The following CDK13 variants were observed in gnomAD, a reference collection of about 807,000 sequenced individuals.
The protein encoded by CDK13 is cyclin dependent kinase 13, also known as cyclin-dependent kinase 13.
A neutral mutation model predicts 137.6 loss-of-function variants in CDK13; 40 were observed. The observed-to-expected ratio is 0.29, with a 90% CI of 0.23 to 0.38. CDK13 has a LOEUF of 0.38. Ranked by LOEUF, CDK13 falls within the 10% of genes least tolerant of loss-of-function variation. CDK13 has a pLI of 1.00. For missense variants in CDK13, 1,704 were observed against 1,951.8 expected, an observed-to-expected ratio of 0.87 and a Z score of 2.39; for synonymous variants, 869 against 760.1, an observed-to-expected ratio of 1.14 and a Z score of -2.36.
intron 5 of CDK13, among the ~76,000 whole-genome samples, chr7:40,014,286 C>G (rs904400201): frequency 8.6e-5 from 13 of 151,750 alleles, no homozygotes; most frequent in Admixed American, 7.2e-4. Context: ...TCAGGCTGGT[C>G]TCGAACTCCT....
chr7:39,960,414 C>G (rs1463625516), intron 1 of CDK13, among the ~76,000 whole-genome samples: 1 of 151,808 alleles, frequency 6.6e-6, no homozygotes, highest in Non-Finnish European at 1.5e-5. Flanking sequence ...CGTCACCACG[C>G]TTGGCTAATT....
intron 7 of CDK13, among the ~76,000 whole-genome samples, chr7:40,060,085 A>G (rs1400519787): frequency 1.3e-5 from 2 of 152,204 alleles, no homozygotes; most frequent in African/African-American, 2.4e-5. Flanking sequence ...CATTATAGCA[A>G]TTAATAAAAA....
intron 5 of CDK13, among the ~76,000 whole-genome samples, chr7:40,044,837 T>C (rs1384073185): frequency 6.6e-6 from 1 of 152,062 alleles, no homozygotes; most frequent in East Asian, 1.9e-4. Flanking sequence ...GGGGTTTCAC[T>C]GTGTCAACCA....
chr7:39,963,093 A>T (rs1409474417), intron 1 of CDK13, among the ~76,000 whole-genome samples: 1 of 152,108 alleles, frequency 6.6e-6, no homozygotes, highest in Non-Finnish European at 1.5e-5. Flanking sequence ...CTTAGGATTG[A>T]CTTGGCAGTG....
At chr7:40,073,140 C>T (rs1463062407) in intron 9 of CDK13, 1 of 151,978 alleles carries the variant, frequency 6.6e-6, no homozygotes, top group Non-Finnish European at 1.5e-5. Context: ...ATAAAGTTAC[C>T]CAATATTGTG....
At chr7:39,995,436 C>A (rs998432459) in intron 2 of CDK13, among the ~76,000 whole-genome samples, 1 of 152,136 alleles carries the variant, frequency 6.6e-6, no homozygotes, top group Non-Finnish European at 1.5e-5. Context: ...TCAGGTGATA[C>A]CTTTTCTAGA....
At chr7:40,043,343 T>C (rs1785656793) in intron 5 of CDK13, among the ~76,000 whole-genome samples, 1 of 152,196 alleles carries the variant, frequency 6.6e-6, no homozygotes, top group Admixed American at 6.5e-5. Flanking sequence ...TCAGTCCCTA[T>C]GGTATGACAC....
intron 5 of CDK13, among the ~76,000 whole-genome samples, chr7:40,034,546 A>G (rs537668478): frequency 2.9e-3 from 443 of 152,260 alleles, no homozygotes; most frequent in Non-Finnish European, 5.6e-3. Context: ...GATTTATTCA[A>G]CCTTTGTTTA....
At chr7:40,020,102 C>G (rs914934108) in intron 5 of CDK13, among the ~76,000 whole-genome samples, 4 of 152,124 alleles carry the variant, frequency 2.6e-5, no homozygotes, top group Non-Finnish European at 4.4e-5. Context: ...GGGTCTTGCT[C>G]TGTCACCTAG....
intron 1 of CDK13, among the ~76,000 whole-genome samples, chr7:39,983,412 CG>C (rs1784271467): frequency 6.6e-6 from 1 of 152,166 alleles, no homozygotes; most frequent in Non-Finnish European, 1.5e-5. Flanking sequence ...TGAGCAACTG[CG>C]CCCGGCCCCA....
intron 7 of CDK13, among the ~76,000 whole-genome samples, chr7:40,059,966 C>T (rs1050747690): frequency 6.6e-6 from 1 of 152,092 alleles, no homozygotes; most frequent in Non-Finnish European, 1.5e-5. Flanking sequence ...TTTGGAAAGG[C>T]CATTAATTAG....
At chr7:39,986,023 G>A (rs1331406987) in intron 1 of CDK13, 5 of 152,150 alleles carry the variant, frequency 3.3e-5, no homozygotes, top group Non-Finnish European at 5.9e-5. Flanking sequence ...GAACTCAGAA[G>A]GCATATCTGT....
At chr7:40,030,461 C>G (rs1785353449) in intron 5 of CDK13, among the ~76,000 whole-genome samples, 1 of 106,766 alleles carries the variant, frequency 9.4e-6, no homozygotes, top group Non-Finnish European at 1.7e-5. Context: ...AGATAAGAGT[C>G]TTGGTCTGAC....
At chr7:40,004,050 C>T (rs1784748959) in intron 5 of CDK13, among the ~76,000 whole-genome samples, 1 of 152,158 alleles carries the variant, frequency 6.6e-6, no homozygotes, top group Admixed American at 6.5e-5. Flanking sequence ...TGTTGTGCCT[C>T]CTACCTAGCT....
intron 9 of CDK13, among the ~76,000 whole-genome samples, chr7:40,064,648 TC>T (rs1786236569): frequency 6.6e-6 from 1 of 152,024 alleles, no homozygotes; most frequent in Admixed American, 6.6e-5. Context: ...TTGGCTATAG[TC>T]AGAAGTACCC....
intron 12 of CDK13, 142 bp from the exon 13 acceptor site, chr7:40,092,643 C>T (rs919528775): frequency 1.6e-6 from 1 of 626,260 alleles, no homozygotes; most frequent in African/African-American, 1.8e-5. Flanking sequence ...TTTAACTAGA[C>T]TTGAGGTTCT....
intron 1 of CDK13, among the ~76,000 whole-genome samples, chr7:39,962,463 G>A (rs563733853): frequency 3.3e-5 from 5 of 152,226 alleles, no homozygotes; most frequent in African/African-American, 4.8e-5. Flanking sequence ...CATATCCTTC[G>A]CCCACTTTTT....
intron 7 of CDK13, among the ~76,000 whole-genome samples, chr7:40,058,368 A>G (rs1431021434): frequency 1.3e-5 from 2 of 151,994 alleles, no homozygotes; most frequent in Non-Finnish European, 2.9e-5. Flanking sequence ...ATGCTTAATA[A>G]AAAAACTGAA....
At chr7:40,049,297 T>G (rs1019748669) in intron 7 of CDK13, 1 of 151,694 alleles carries the variant, frequency 6.6e-6, no homozygotes, top group Non-Finnish European at 1.5e-5. Context: ...GGTTTTGTGA[T>G]TGGACCTCCA....
Sources: gnomAD v4.1 joint callset for allele counts (sites outside exome capture counted in the v4.1 genomes callset) on GRCh38, gnomAD v4.1.1 for gene constraint, MANE v1.5 for transcripts, NCBI Gene and HGNC (gene_info 2026-07-23, HGNC 2026-07-21) for gene names.